Variants in BACE1 observed in about 807,000 individuals in gnomAD.
BACE1 encodes the protein beta-secretase 1.
BACE1 carries 21 observed loss-of-function variants against 54.0 expected under a neutral mutation model. That is an observed-to-expected ratio of 0.39 (90% CI 0.28 to 0.56). The LOEUF (loss-of-function observed/expected upper bound fraction) is 0.56. BACE1 is among the 20% of genes least tolerant of loss of function. The pLI, the probability that BACE1 is intolerant of heterozygous loss-of-function variation, is 0.63. For missense variants in BACE1, 511 were observed against 661.2 expected, an observed-to-expected ratio of 0.77 and a Z score of 2.49; for synonymous variants, 232 against 260.9, an observed-to-expected ratio of 0.89 and a Z score of 1.07.
Position 117,304,049 on chromosome 11 carries a change from T to C in BACE1, c.262-7088A>G, listed in dbSNP as rs28989480. On this transcript the variant is annotated intron_variant, in intron 1 of 8. Coordinates refer to ENST00000313005, the MANE Select transcript of BACE1 (RefSeq NM_012104.6). ...AGTATGTGATAGATTGTTATACTAA[T>C]GAACCACCCTGCCCCCCATACATGC... Among the ~76,000 whole-genome samples the C allele has an allele frequency of 1.3e-3, 193 of 152,340 alleles. 1 individual carries two copies. The highest frequency in any genetic ancestry group is 4.4e-3 in the African/African-American group (181 of 41,576).
At chr11:117,311,860 C>T (rs1156593265) in intron 1 of BACE1, among the ~76,000 whole-genome samples, 2 of 152,090 alleles carry the variant, frequency 1.3e-5, no homozygotes, top group African/African-American at 4.8e-5. Flanking sequence ...AGGTTGGTCT[C>T]GAACTCCTGA....
At chr11:117,314,049 C>T (rs1257766306) in intron 1 of BACE1, among the ~76,000 whole-genome samples, 3 of 152,202 alleles carry the variant, frequency 2.0e-5, no homozygotes, top group Non-Finnish European at 2.9e-5. Flanking sequence ...AGCTGGGATT[C>T]GTGGACTGTC....
chr11:117,301,849 T>C (rs2034733022), intron 1 of BACE1, among the ~76,000 whole-genome samples: 1 of 152,230 alleles, frequency 6.6e-6, no homozygotes, highest in Admixed American at 6.5e-5. Flanking sequence ...TCATTCCTTA[T>C]TTCTTTTGCT....
In BACE1 at chr11:117,293,897, C is replaced by T; in HGVS notation, c.679G>A (p.Val227Met). Reference protein sequence around the residue: ...GAGFPLNQSEVLASVGGSMII... With the variant: ...GAGFPLNQSEMLASVGGSMII... ...ATGCTCCCTCCGACAGAGGCCAGCACTTCAGACTGGTTGAGGGGGAAGCCA... is the reference window on the plus strand; with the variant it reads ...ATGCTCCCTCCGACAGAGGCCAGCATTTCAGACTGGTTGAGGGGGAAGCCA... The change falls in exon 4 of 9, where the codon GTG becomes ATG. Residue 227 changes from valine to methionine, a missense_variant. Around this residue, in one of 2 missense-constraint regions of BACE1, gnomAD observed 407 missense variants for 565.7 expected, o/e 0.72. Coordinates refer to ENST00000313005, the MANE Select transcript of BACE1 (RefSeq NM_012104.6). This position sits in a 1 kb window ranked among gnomAD's most constrained non-coding sequence, Gnocchi z 4.1. The T allele has an allele frequency of 1.2e-6, 2 of 1,613,832 alleles. No individual in the cohort carries two copies. Among genetic ancestry groups the T allele is most frequent in the East Asian group, 4.5e-5 (2 of 44,844 alleles).
rs960600683 is a variant in BACE1 at position 117,290,365 on chromosome 11, T to C, written c.1264+123A>G. 4.0e-6 allele frequency: 5 copies of C among 1,240,012 alleles called. No individual in the cohort carries two copies. In the African/African-American group the frequency reaches 4.6e-5, roughly 11 times the overall value. 76.8% of individuals were successfully genotyped at this position (1,240,012 alleles called of 1,614,324 possible). ...CACTAGCTTTTGCACAACTGTTGAC[T>C]TGGGTTTGAGGCAACTGTTACTACC... On this transcript the variant is annotated intron_variant, in intron 8 of 8. Transcript: ENST00000313005.
At chr11:117,306,848 A>T (rs1187741810) in intron 1 of BACE1, among the ~76,000 whole-genome samples, 1 of 152,090 alleles carries the variant, frequency 6.6e-6, no homozygotes, top group East Asian at 1.9e-4. Flanking sequence ...GATGAGATTC[A>T]CTGACCTTGA....
Position 117,287,072 on chromosome 11 carries a change from C to T in BACE1, c.*2494G>A, listed in dbSNP as rs1467608015. On this transcript the variant is annotated 3_prime_UTR_variant, in exon 9 of 9. Coordinates refer to ENST00000313005, the MANE Select transcript of BACE1 (RefSeq NM_012104.6). ...AAGCATATTGTTTCTTTTCCAAAAT[C>T]CTTTGAAGCCAAAGGAGTAAAGAAA... 6.6e-6 allele frequency: 1 copy of T among 152,074 alleles called. No homozygotes were observed. Among genetic ancestry groups the T allele is most frequent in the Non-Finnish European group, 1.5e-5 (1 of 68,010 alleles). The allele number at this position is 152,074 out of a possible 1,614,324, so 9.4% of individuals were successfully genotyped here. A position where few individuals can be genotyped will look rare whatever the true frequency, so the allele number is the denominator to read the frequency against.
chr11:117,296,431 A>G (rs507805), intron 2 of BACE1, among the ~76,000 whole-genome samples: 12,465 of 152,144 alleles, frequency 0.082, 792 homozygotes, highest in East Asian at 0.31. Flanking sequence ...AAAGCCACCT[A>G]GAGTGGCCCC....
rs1366147495 is a variant in BACE1, at chr11:117,289,353, CTTCT to C, written c.*209_*212del. ...CAAGAGTATTCCCGCCAGCAGAGTG[CTTCT>C]TTCTTCTCTTTTCTGTTTCCTACAG... On this transcript the variant is annotated 3_prime_UTR_variant, in exon 9 of 9. Transcript: ENST00000313005. The C allele has an allele frequency of 5.7e-6, 4 of 701,020 alleles. No homozygotes were observed. The highest frequency in any genetic ancestry group is 1.8e-5 in the African/African-American group (1 of 56,144). The allele number at this position is 701,020 out of a possible 1,614,324, so 43.4% of individuals were successfully genotyped here. A position where few individuals can be genotyped will look rare whatever the true frequency, so the allele number is the denominator to read the frequency against.
At position 117,307,463 on chromosome 11, in the gene BACE1, C is replaced by T. The variant is rs1044925910; in HGVS notation, c.261+8072G>A. Among the ~76,000 whole-genome samples, 3 of 152,178 alleles carry T rather than the reference C, an allele frequency of 2.0e-5. No homozygotes were observed. In the South Asian group the frequency reaches 6.2e-4, roughly 32 times the overall value. On this transcript the variant is annotated intron_variant, in intron 1 of 8. Transcript: ENST00000313005. ...ATTAGCTGGGATTACAGGCACGTGC[C>T]ACCATGCCCAGCTAATTTTTGTATT...
In BACE1 at chr11:117,291,694, C is replaced by CA; in HGVS notation, c.942+17dup. The CA allele has an allele frequency of 6.3e-7, 1 of 1,575,212 alleles. No homozygotes were observed. The highest frequency in any genetic ancestry group is 8.7e-7 in the Non-Finnish European group (1 of 1,144,946). ...GACACTGTACCATCTCTTTTACCCC[C>CA]ATCCTTAGTCCACTCACGGAGGAGG... On this transcript the variant is annotated intron_variant, in intron 6 of 8. Transcript: ENST00000313005.
At position 117,315,135 on chromosome 11, in the gene BACE1, C is replaced by T. The variant is rs1329808920; in HGVS notation, c.261+400G>A. ...CAATGGTGGGAATCAGAGGAGGGGA[C>T]AAGGTTGGGTGGCCAACCTCTAGAG... is the stretch of plus-strand genomic sequence containing the variant. On this transcript the variant is annotated intron_variant, in intron 1 of 8. Transcript: ENST00000313005. This position sits in a 1 kb window ranked among gnomAD's most constrained non-coding sequence, Gnocchi z 5.5. 6.6e-6 allele frequency among the ~76,000 whole-genome samples: 1 copy of T among 152,170 alleles called. No homozygotes were observed. The highest frequency in any genetic ancestry group is 1.5e-5 in the Non-Finnish European group (1 of 68,012).
chr11:117,313,745 G>A (rs2035008617), intron 1 of BACE1, among the ~76,000 whole-genome samples: 1 of 152,170 alleles, frequency 6.6e-6, no homozygotes, highest in Non-Finnish European at 1.5e-5. Flanking sequence ...TGTAAAACGT[G>A]GAGGCCCAGG....
intron 1 of BACE1, among the ~76,000 whole-genome samples, chr11:117,306,711 C>T (rs766923394): frequency 2.6e-5 from 4 of 151,688 alleles, no homozygotes; most frequent in Non-Finnish European, 2.9e-5. Context: ...CTTGGCAGGC[C>T]GACGCTGGAG....
chr11:117,300,557 C>T (rs2034702822), intron 1 of BACE1, among the ~76,000 whole-genome samples: 1 of 152,214 alleles, frequency 6.6e-6, no homozygotes, highest in South Asian at 2.1e-4. Flanking sequence ...TGGGCAGAGG[C>T]AGCGGTGGAG....
rs114109066 is a variant in BACE1, at chr11:117,289,453, G to T, written c.*113C>A. The T allele has an allele frequency of 4.2e-4, 619 of 1,472,346 alleles. 3 individuals are homozygous for T. The African/African-American group carries it at 5.5e-3, about 13-fold the overall frequency. 91.2% of individuals were successfully genotyped at this position (1,472,346 alleles called of 1,614,324 possible). A position where few individuals can be genotyped will look rare whatever the true frequency, so the allele number is the denominator to read the frequency against. On this transcript the variant is annotated 3_prime_UTR_variant, in exon 9 of 9. Coordinates refer to ENST00000313005, the MANE Select transcript of BACE1 (RefSeq NM_012104.6). ...AAGGCAGAGGCATTTGGTGGGTGGGGAGGGTCCTGAGGTGCTCTGGCCACA... is the reference window on the plus strand; with the variant it reads ...AAGGCAGAGGCATTTGGTGGGTGGGTAGGGTCCTGAGGTGCTCTGGCCACA...
At chr11:117,303,690 C>G (rs150928572) in intron 1 of BACE1, among the ~76,000 whole-genome samples, 101 of 152,318 alleles carry the variant, frequency 6.6e-4, no homozygotes, top group African/African-American at 2.3e-3. Context: ...TTGGTACTAC[C>G]CCAAGGTCAT....
chr11:117,315,583 C>T lies in BACE1; in HGVS notation c.213G>A (p.Ser71=), dbSNP rs2035090009. The change falls in exon 1 of 9, where the codon TCG becomes TCA. Residue 71 remains serine (S), a synonymous_variant. Coordinates refer to ENST00000313005, the MANE Select transcript of BACE1 (RefSeq NM_012104.6). This position sits in a 1 kb window ranked among gnomAD's most constrained non-coding sequence, Gnocchi z 5.5. ...TCATCTCCACGTAGTAGCCCTGCCC[C>T]GACTTGCCCCTCAGGTTGTCCACCA... ...VEMVDNLRGK[S]GQGYYVEMTV... is the part of the protein sequence containing the mutation. 2 of 1,590,208 alleles carry T rather than the reference C, an allele frequency of 1.3e-6. No individual in the cohort carries two copies. Among genetic ancestry groups the T allele is most frequent in the Non-Finnish European group, 1.7e-6 (2 of 1,169,828 alleles).
intron 1 of BACE1, among the ~76,000 whole-genome samples, chr11:117,297,798 T>C (rs1249935022): frequency 1.3e-5 from 2 of 152,222 alleles, no homozygotes; most frequent in Non-Finnish European, 2.9e-5. Context: ...TCAGTTAATC[T>C]TTCCTAGATT....
Sources: allele counts gnomAD v4.1 joint callset (sites outside exome capture counted in the v4.1 genomes callset), GRCh38; gene constraint gnomAD v4.1.1; regional missense constraint gnomAD v4.1.1; non-coding constraint Gnocchi (gnomAD v3.1); transcripts MANE v1.5; gene names NCBI Gene and HGNC (gene_info 2026-07-23, HGNC 2026-07-21).